EPSTI1: variants seen among roughly 807,000 people sequenced by gnomAD.
The protein encoded by EPSTI1 is epithelial-stromal interaction protein 1.
Under a neutral mutation model 49.9 loss-of-function variants are expected in EPSTI1, and 66 were observed. The ratio of observed to expected loss-of-function variants is 1.32; its 90% confidence interval spans 1.08 to 1.62. The LOEUF (loss-of-function observed/expected upper bound fraction) is 1.62. EPSTI1 is among the 40% of genes most tolerant of loss of function. EPSTI1 has a pLI of 0.00. For missense variants in EPSTI1, 394 were observed against 365.5 expected (o/e 1.08, Z -0.64); for synonymous variants, 137 against 130.7 (o/e 1.05, Z -0.33).
chr13:42,912,159 G>A (rs1374564049), intron 8 of EPSTI1, among the ~76,000 whole-genome samples: 1 of 152,224 alleles, frequency 6.6e-6, no homozygotes, highest in African/African-American at 2.4e-5. Context: ...AGAAGTTTCT[G>A]AAAGAGAGAA....
intron 6 of EPSTI1, among the ~76,000 whole-genome samples, chr13:42,953,435 T>C (rs1310146118): frequency 1.3e-5 from 2 of 152,242 alleles, no homozygotes; most frequent in African/African-American, 4.8e-5. Flanking sequence ...GTAGTTGCCC[T>C]GTATCTGTTA....
At position 42,917,638 on chromosome 13, in the gene EPSTI1, A is replaced by AAAT; in HGVS notation, c.658-15_658-14insATT. On this transcript the variant is annotated splice_polypyrimidine_tract_variant and intron_variant, in intron 7 of 10. Coordinates refer to ENST00000313624, the MANE Select transcript of EPSTI1 (RefSeq NM_033255.5). Reference sequence around the variant, plus strand: ...CCAGCTTCTGGCCTGTAAAGGTACAAAGAGAAAAAAAAAAAAAAAAACAAC... The same window carrying AAAT: ...CCAGCTTCTGGCCTGTAAAGGTACAAAATAGAGAAAAAAAAAAAAAAAAACAAC... 2.0e-6 allele frequency: 2 copies of AAAT among 990,226 alleles called. No homozygotes were observed. The highest frequency in any genetic ancestry group is 2.9e-6 in the Non-Finnish European group (2 of 680,184). The allele number at this position is 990,226 out of a possible 1,614,324, so 61.3% of individuals were successfully genotyped here. A position where few individuals can be genotyped will look rare whatever the true frequency, so the allele number is the denominator to read the frequency against.
intron 9 of EPSTI1, among the ~76,000 whole-genome samples, chr13:42,895,566 A>G (rs2037166945): frequency 6.6e-6 from 1 of 152,242 alleles, no homozygotes; most frequent in Admixed American, 6.5e-5. Context: ...CAGTCTTGCT[A>G]AAGTAAACCC....
At chr13:42,976,416 A>C (rs1268867198) in intron 1 of EPSTI1, among the ~76,000 whole-genome samples, 4 of 152,250 alleles carry the variant, frequency 2.6e-5, no homozygotes, top group African/African-American at 9.6e-5. Flanking sequence ...TGGCACATCC[A>C]ACAAAACGTA....
intron 8 of EPSTI1, among the ~76,000 whole-genome samples, chr13:42,905,597 C>G (rs1240990328): frequency 1.3e-5 from 2 of 152,140 alleles, no homozygotes; most frequent in African/African-American, 2.4e-5. Context: ...CATCAAAGTG[C>G]TCTAAGCAGG....
intron 8 of EPSTI1, among the ~76,000 whole-genome samples, chr13:42,908,341 C>T (rs36105953): frequency 0.17 from 26,155 of 152,000 alleles, 2,310 homozygotes; most frequent in African/African-American, 0.2. Context: ...CAAAAATTAG[C>T]CAGGCACGGT....
intron 1 of EPSTI1, among the ~76,000 whole-genome samples, chr13:42,981,036 C>T (rs567428502): frequency 6.6e-6 from 1 of 152,186 alleles, no homozygotes; most frequent in South Asian, 2.1e-4. Context: ...GCAATACTAG[C>T]CCTTGAGTTT....
At position 42,911,264 on chromosome 13, in the gene EPSTI1, T is replaced by TGTGCGC. The variant is rs549150890; in HGVS notation, c.741+6276_741+6277insGCGCAC. ...GAGAGAGTGTGTGTGTGTGTGTGTG[T>TGTGCGC]GCGCGCGCACGCGCGCACACGTGTG... On this transcript the variant is annotated intron_variant, in intron 8 of 10. Coordinates refer to ENST00000313624, the MANE Select transcript of EPSTI1 (RefSeq NM_033255.5). Among the ~76,000 whole-genome samples, 908 of 148,520 alleles carry TGTGCGC rather than the reference T, an allele frequency of 6.1e-3. 7 individuals are homozygous for TGTGCGC. The highest frequency in any genetic ancestry group is 0.016 in the South Asian group (75 of 4,740).
At chr13:42,904,756 T>G (rs980383855) in intron 8 of EPSTI1, among the ~76,000 whole-genome samples, 3 of 152,152 alleles carry the variant, frequency 2.0e-5, no homozygotes, top group Non-Finnish European at 2.9e-5. Context: ...ATACATTAAG[T>G]GATAAAAGAT....
At chr13:42,930,324 C>T (rs61283976) in intron 6 of EPSTI1, among the ~76,000 whole-genome samples, 24,925 of 152,054 alleles carry the variant, frequency 0.16, 2,128 homozygotes, top group South Asian at 0.23. Context: ...ATGCAGGCAA[C>T]AAATATTTCC....
intron 1 of EPSTI1, among the ~76,000 whole-genome samples, chr13:42,984,486 A>C (rs1418755802): frequency 6.6e-6 from 1 of 152,234 alleles, no homozygotes; most frequent in African/African-American, 2.4e-5. Flanking sequence ...AGTCAAAATG[A>C]CTTAAGTTCT....
At chr13:42,943,925 CT>C (rs1361111319) in intron 6 of EPSTI1, among the ~76,000 whole-genome samples, 1 of 152,310 alleles carries the variant, frequency 6.6e-6, no homozygotes, top group Non-Finnish European at 1.5e-5. Context: ...AAAAAGCTCA[CT>C]ATCACTGGTC....
At chr13:42,917,113 T>C (rs934500443) in intron 8 of EPSTI1, among the ~76,000 whole-genome samples, 1 of 152,260 alleles carries the variant, frequency 6.6e-6, no homozygotes, top group Non-Finnish European at 1.5e-5. Context: ...TGTGTATAAC[T>C]ATTTTTAGTG....
At chr13:42,909,189 T>G (rs2037592924) in intron 8 of EPSTI1, among the ~76,000 whole-genome samples, 1 of 152,128 alleles carries the variant, frequency 6.6e-6, no homozygotes, top group Non-Finnish European at 1.5e-5. Context: ...GAAAAAATGC[T>G]CAACATGACT....
At chr13:42,960,605 C>A (rs574471508) in intron 5 of EPSTI1, among the ~76,000 whole-genome samples, 1 of 152,292 alleles carries the variant, frequency 6.6e-6, no homozygotes, top group Admixed American at 6.5e-5. Flanking sequence ...TAAAACAATA[C>A]AAATTTATTA....
At chr13:42,963,877 G>C (rs1168786103) in intron 4 of EPSTI1, among the ~76,000 whole-genome samples, 189 bp downstream of exon 4, 1 of 152,142 alleles carries the variant, frequency 6.6e-6, no homozygotes, top group African/African-American at 2.4e-5. Flanking sequence ...AAAGGGCTTA[G>C]GTAGGAATTG....
At chr13:42,943,293 A>G (rs1414833295) in intron 6 of EPSTI1, among the ~76,000 whole-genome samples, 3 of 152,174 alleles carry the variant, frequency 2.0e-5, no homozygotes. Flanking sequence ...CATCAAGAAG[A>G]GTTCTCAGGC....
At chr13:42,955,878 G>GGT (rs1555266325) in intron 5 of EPSTI1, among the ~76,000 whole-genome samples, 1 of 32,524 alleles carries the variant, frequency 3.1e-5, no homozygotes, top group African/African-American at 7.3e-5. Context: ...AGAAGTATTT[G>GGT]GGGGGGGGGG....
chr13:42,990,605 T>G (rs772430164), intron 1 of EPSTI1, among the ~76,000 whole-genome samples: 5 of 152,222 alleles, frequency 3.3e-5, no homozygotes, highest in Non-Finnish European at 7.3e-5. Context: ...GCTTCTACTG[T>G]GGCGAGACAC....
Sources: gnomAD v4.1 joint callset for allele counts (sites outside exome capture counted in the v4.1 genomes callset) on GRCh38, gnomAD v4.1.1 for gene constraint, MANE v1.5 for transcripts, NCBI Gene and HGNC (gene_info 2026-07-23, HGNC 2026-07-21) for gene names.